PCDHA10: variants seen among roughly 807,000 people sequenced by gnomAD.
PCDHA10 encodes protocadherin alpha-10.
PCDHA10 carries 45 observed loss-of-function variants against 61.2 expected under a neutral mutation model. The ratio of observed to expected loss-of-function variants is 0.74; its 90% CI spans 0.58 to 0.94. The LOEUF (loss-of-function observed/expected upper bound fraction) is 0.94. Among genes scored for constraint, PCDHA10 ranks in the 40% least tolerant of loss-of-function variants. The probability of loss-of-function intolerance (pLI) is 0.00; values close to 1 mark genes in which losing one functional copy is unlikely to be tolerated. For missense variants in PCDHA10, 1,278 were observed against 1,236.2 expected (o/e 1.03, Z -0.51); for synonymous variants, 602 against 548.8 (o/e 1.10, Z -1.35).
At chr5:140,978,455 G>A (rs782473387) in intron 1 of PCDHA10, among the ~76,000 whole-genome samples, 21 of 152,302 alleles carry the variant, frequency 1.4e-4, no homozygotes, top group Non-Finnish European at 2.8e-4. Context: ...GGGCACATCC[G>A]CCCTGGGTCA....
chr5:140,918,925 T>C (rs2078925990), intron 1 of PCDHA10, among the ~76,000 whole-genome samples: 1 of 152,238 alleles, frequency 6.6e-6, no homozygotes, highest in Non-Finnish European at 1.5e-5. Context: ...ACACAGCATA[T>C]GGCATTTTGT....
chr5:140,856,963 T>C lies in PCDHA10; in HGVS notation c.915T>C (p.Asp305=), dbSNP rs1249230816. The change falls in exon 1 of 4, where the codon GAT becomes GAC. Residue 305 remains aspartate, a synonymous_variant. Coordinates refer to ENST00000307360, the MANE Select transcript of PCDHA10 (RefSeq NM_018901.4). Reference sequence around the variant, plus strand: ...GGACGGGAGAAATAAAAGTAAATGATGCTATTGACTTTGAGGACAGTAACA... The same window carrying C: ...GGACGGGAGAAATAAAAGTAAATGACGCTATTGACTTTGAGGACAGTAACA... The part of the protein sequence containing the change: ...NERTGEIKVN[D]AIDFEDSNTY... The C allele has an allele frequency of 6.3e-7, 1 of 1,590,702 alleles. No homozygotes were observed. The highest frequency in any genetic ancestry group is 1.3e-5 in the African/African-American group (1 of 74,272).
At chr5:140,979,537 A>G (rs538323100) in intron 2 of PCDHA10, among the ~76,000 whole-genome samples, 1 of 152,332 alleles carries the variant, frequency 6.6e-6, no homozygotes, top group East Asian at 1.9e-4. Context: ...ATTGTCATCA[A>G]TGACATGGTT....
chr5:140,857,572 G>C lies in PCDHA10; in HGVS notation c.1524G>C (p.Ser508=). Residue 508 remains serine, a synonymous_variant, in exon 1 of 4, where the codon TCG becomes TCC. Transcript: ENST00000307360. ...LGERSLSSYV[S]VHAESGKVYA... ...AGCGCTCGCTGTCGAGCTACGTGTC[G>C]GTGCACGCGGAGAGCGGCAAGGTGT... 6.3e-7 allele frequency: 1 copy of C among 1,596,716 alleles called. No homozygotes were observed. The highest frequency in any genetic ancestry group is 8.6e-7 in the Non-Finnish European group (1 of 1,167,664).
chr5:140,906,193 AAGTTGACACTC>A (rs1337204998), intron 1 of PCDHA10, among the ~76,000 whole-genome samples: 4 of 152,140 alleles, frequency 2.6e-5, no homozygotes, highest in African/African-American at 9.7e-5. Context: ...CAATCCAATC[AAGTTGACACTC>A]AGTATTAACC....
intron 3 of PCDHA10, among the ~76,000 whole-genome samples, chr5:141,004,757 A>T (rs964370551): frequency 3.9e-5 from 6 of 152,164 alleles, no homozygotes; most frequent in African/African-American, 1.4e-4. Flanking sequence ...TCTCTTAGAG[A>T]CAGGACCTGT....
intron 3 of PCDHA10, among the ~76,000 whole-genome samples, chr5:140,994,309 C>T (rs924119174): frequency 1.3e-5 from 2 of 152,072 alleles, no homozygotes; most frequent in African/African-American, 4.8e-5. Context: ...TTCACAGGGC[C>T]CAAACACTCT....
intron 1 of PCDHA10, among the ~76,000 whole-genome samples, chr5:140,903,033 G>A (rs2069954043): frequency 6.6e-6 from 1 of 152,180 alleles, no homozygotes; most frequent in African/African-American, 2.4e-5. Context: ...GCTTGCACAT[G>A]TGTCTTTTTC....
At chr5:140,906,253 A>ACCTC (rs1329710908) in intron 1 of PCDHA10, among the ~76,000 whole-genome samples, 2 of 152,064 alleles carry the variant, frequency 1.3e-5, no homozygotes, top group African/African-American at 4.8e-5. Flanking sequence ...ACCCATACAC[A>ACCTC]CCTCCTGAAA....
At chr5:140,960,841 T>C (rs1554225062) in intron 1 of PCDHA10, among the ~76,000 whole-genome samples, 1 of 152,222 alleles carries the variant, frequency 6.6e-6, no homozygotes, top group African/African-American at 2.4e-5. Context: ...GGAACAGGTT[T>C]AATGGCAACT....
intron 1 of PCDHA10, among the ~76,000 whole-genome samples, chr5:140,886,847 A>AT (rs2061191950): frequency 6.6e-6 from 1 of 151,038 alleles, no homozygotes; most frequent in Non-Finnish European, 1.5e-5. Flanking sequence ...AAAAAAAAAA[A>AT]GAAAGGTCTT....
At chr5:140,870,930 A>C (rs373236202) in intron 1 of PCDHA10, 10 of 1,613,732 alleles carry the variant, frequency 6.2e-6, no homozygotes, top group Non-Finnish European at 8.5e-6. Flanking sequence ...TTTCATATGA[A>C]TTGCAGCCGG....
chr5:140,965,857 A>G (rs1563345275), intron 1 of PCDHA10, among the ~76,000 whole-genome samples: 1 of 152,220 alleles, frequency 6.6e-6, no homozygotes, highest in South Asian at 2.1e-4. Context: ...GCACACACTG[A>G]AAATAAGGGC....
intron 1 of PCDHA10, chr5:140,869,908 CGAGACGAAG>C: frequency 6.2e-7 from 1 of 1,610,646 alleles, no homozygotes; most frequent in Non-Finnish European, 8.5e-7. Context: ...CGCCACAGAC[CGAGACGAAG>C]GAGTCAATGG....
intron 3 of PCDHA10, among the ~76,000 whole-genome samples, chr5:140,992,085 TAGAGAA>T (rs1253503619): frequency 1.4e-5 from 2 of 146,836 alleles, no homozygotes; most frequent in Non-Finnish European, 3.0e-5. Flanking sequence ...TGAGCTAGAG[TAGAGAA>T]AGAGAATTAA....
chr5:140,892,596 T>C (rs143701120), intron 1 of PCDHA10, among the ~76,000 whole-genome samples: 79 of 152,254 alleles, frequency 5.2e-4, no homozygotes, highest in African/African-American at 1.4e-3. Flanking sequence ...CATTCACCTA[T>C]TTTTTTCCTT....
chr5:140,988,308 G>T (rs75602297), intron 3 of PCDHA10, among the ~76,000 whole-genome samples: 1,856 of 152,298 alleles, frequency 0.012, 44 homozygotes, highest in African/African-American at 0.043. Context: ...TGCCAGCTTG[G>T]CTTGGCTTTC....
chr5:140,922,131 TTATCC>T (rs2080656521), intron 1 of PCDHA10, among the ~76,000 whole-genome samples: 1 of 152,176 alleles, frequency 6.6e-6, no homozygotes, highest in South Asian at 2.1e-4. Context: ...TAAATGTCTC[TTATCC>T]TCCATGAAAC....
At chr5:140,878,562 T>C (rs2057643889) in intron 1 of PCDHA10, among the ~76,000 whole-genome samples, 1 of 152,210 alleles carries the variant, frequency 6.6e-6, no homozygotes, top group Non-Finnish European at 1.5e-5. Context: ...CCCAAACTTA[T>C]CATAGTATAC....
Sources: allele counts gnomAD v4.1 joint callset (sites outside exome capture counted in the v4.1 genomes callset), GRCh38; gene constraint gnomAD v4.1.1; transcripts MANE v1.5; gene names NCBI Gene and HGNC (gene_info 2026-07-23, HGNC 2026-07-21).